The following VEZT variants were observed in gnomAD, a reference collection of about 807,000 sequenced individuals.
VEZT encodes the protein vezatin.
In VEZT, 39 loss-of-function variants were observed where a neutral mutation model predicts 79.9. That is an observed-to-expected ratio of 0.49 (90% CI 0.38 to 0.64). The LOEUF (loss-of-function observed/expected upper bound fraction) is 0.64. VEZT is among the 30% of genes least tolerant of loss of function. VEZT has a pLI of 0.00. For missense variants in VEZT, 837 were observed against 893.1 expected (o/e 0.94, Z 0.80); for synonymous variants, 325 against 327.6 (o/e 0.99, Z 0.09).
At chr12:95,247,403 A>G (rs529602477) in intron 1 of VEZT, among the ~76,000 whole-genome samples, 107 of 152,328 alleles carry the variant, frequency 7.0e-4, no homozygotes, top group Admixed American at 2.7e-3. Flanking sequence ...GTATCCGGCA[A>G]TTTTCTATTA....
rs56104790 is a variant in VEZT, at chr12:95,230,574, C to CT, written c.36+12704dup. 1.3e-3 allele frequency among the ~76,000 whole-genome samples: 174 copies of CT among 137,202 alleles called. 1 individual carries two copies. The highest frequency in any genetic ancestry group is 2.7e-3 in the South Asian group (12 of 4,380). The allele number at this position is 137,202 out of a possible 152,430, so 90.0% of individuals were successfully genotyped here. A position where few individuals can be genotyped will look rare whatever the true frequency, so the allele number is the denominator to read the frequency against. The stretch of plus-strand genomic sequence containing the variant: ...GAGCCATTGTGTCCAGTTATCTCTC[C>CT]TTTTTTTTTTTTTTTTATTTATTTT... On this transcript the variant is annotated intron_variant, in intron 1 of 11. Transcript: ENST00000436874.
chr12:95,282,759 G>A, intron 8 of VEZT, 115 bp downstream of exon 8: 1 of 741,960 alleles, frequency 1.3e-6, no homozygotes, highest in South Asian at 2.4e-5. Context: ...ACTGAGGCAT[G>A]AGCATGAAGG....
At chr12:95,229,745 G>A (rs192040036) in intron 1 of VEZT, among the ~76,000 whole-genome samples, 12 of 152,214 alleles carry the variant, frequency 7.9e-5, no homozygotes, top group Admixed American at 5.2e-4. Flanking sequence ...AAGGATTTAG[G>A]AGAAAAGGCC....
chr12:95,232,933 G>A lies in VEZT; in HGVS notation c.36+15047G>A, dbSNP rs537261151. 1.9e-3 allele frequency among the ~76,000 whole-genome samples: 290 copies of A among 152,186 alleles called. 2 individuals are homozygous for A. The highest frequency in any genetic ancestry group is 6.6e-3 in the African/African-American group (273 of 41,518). On this transcript the variant is annotated intron_variant, in intron 1 of 11. Transcript: ENST00000436874. ...CGGTCCTCCTGCCTCAGCCTCCTGA[G>A]TTGCTAAGAGCACAGGTGTGTACCA...
intron 2 of VEZT, among the ~76,000 whole-genome samples, chr12:95,256,054 T>A (rs1246322040): frequency 1.3e-5 from 2 of 152,050 alleles, no homozygotes; most frequent in African/African-American, 4.8e-5. Context: ...TGAAGTGATC[T>A]TCTCTTTTTT....
chr12:95,264,478 T>C (rs931787236), intron 4 of VEZT, among the ~76,000 whole-genome samples: 2 of 152,140 alleles, frequency 1.3e-5, no homozygotes, highest in African/African-American at 2.4e-5. Context: ...TCTCTGTTGC[T>C]CAGGCTGGAG....
chr12:95,282,318 G>T lies in VEZT; in HGVS notation c.1002G>T (p.Leu334Phe), dbSNP rs1444904504. The T allele has an allele frequency of 1.9e-6, 3 of 1,597,474 alleles. No individual in the cohort carries two copies. The highest frequency in any genetic ancestry group is 1.1e-5 in the South Asian group (1 of 87,642). The change falls in exon 8 of 12, where the codon TTG (leucine) becomes TTT (phenylalanine). Residue 334 changes from leucine (L) to phenylalanine (F), a missense_variant. Transcript: ENST00000436874. ...DGFSLPALKV[L>F]FQLWVAQSSE... The stretch of plus-strand genomic sequence containing the variant: ...TTTTTTCTTTTTTCTTTAAGGTTTT[G>T]TTCCAACTCTGGGTGGCACAGAGTT...
intron 9 of VEZT, among the ~76,000 whole-genome samples, chr12:95,292,312 T>A (rs2073048370): frequency 1.3e-5 from 2 of 152,222 alleles, no homozygotes; most frequent in South Asian, 4.1e-4. Context: ...CACTGTTTAA[T>A]GTACCTGTTT....
intron 7 of VEZT, among the ~76,000 whole-genome samples, chr12:95,281,207 A>C (rs563553676): frequency 1.3e-5 from 2 of 152,282 alleles, no homozygotes; most frequent in East Asian, 3.9e-4. Context: ...TTTTGCTGCC[A>C]GGATTCAGGA....
intron 8 of VEZT, among the ~76,000 whole-genome samples, chr12:95,283,429 A>G (rs2069695666): frequency 6.6e-6 from 1 of 152,172 alleles, no homozygotes; most frequent in African/African-American, 2.4e-5. Flanking sequence ...TGTGTTGGTA[A>G]TCAGGAAGGT....
In VEZT at chr12:95,300,492, C is replaced by T. The variant is rs375698951; in HGVS notation, c.2159C>T (p.Pro720Leu). The change falls in exon 12 of 12, where the codon CCC becomes CTC. Residue 720 changes from proline to leucine, a missense_variant. Coordinates refer to ENST00000436874, the MANE Select transcript of VEZT (RefSeq NM_017599.4). ...APPTPRDSLQ[P>L]SIKQRLARLQ... ...CCAACTCCCAGGGACTCATTACAGC[C>T]CTCCATTAAGCAGAGGCTGGCACGG... 9.3e-6 allele frequency: 15 copies of T among 1,613,786 alleles called. No individual in the cohort carries two copies. In the African/African-American group the frequency reaches 1.2e-4, roughly 13 times the overall value.
rs192459333 is a variant in VEZT, at chr12:95,221,356, G to A, written c.36+3470G>A. On this transcript the variant is annotated intron_variant, in intron 1 of 11. Coordinates refer to ENST00000436874, the MANE Select transcript of VEZT (RefSeq NM_017599.4). ...AGCCAGGCAGATCACTTGAGGCTAG[G>A]AGTTTGAGACCAGCCTGGCCAACAT... Among the ~76,000 whole-genome samples, 725 of 152,264 alleles carry A rather than the reference G, an allele frequency of 4.8e-3. 5 individuals carry two copies. Among genetic ancestry groups the A allele is most frequent in the African/African-American group, 0.017 (699 of 41,560 alleles).
chr12:95,300,577 A>ATC lies in VEZT; in HGVS notation c.2251_2252dup (p.Phe752ProfsTer18). 6.2e-7 allele frequency: 1 copy of ATC among 1,613,948 alleles called. No homozygotes were observed. The highest frequency in any genetic ancestry group is 8.5e-7 in the Non-Finnish European group (1 of 1,179,894). ...GCCTTGCTGCAGAAGTGGCTGCTAG[A>ATC]TCTCTCTCCTTTACCACCATGCAGG... On this transcript the variant is annotated frameshift_variant, in exon 12 of 12. Transcript: ENST00000436874. LOFTEE classifies it high-confidence loss of function.
chr12:95,289,985 G>C (rs2072294089), intron 9 of VEZT, among the ~76,000 whole-genome samples: 1 of 152,058 alleles, frequency 6.6e-6, no homozygotes, highest in South Asian at 2.1e-4. Flanking sequence ...AAATATTTCT[G>C]TATGCATTTT....
intron 9 of VEZT, among the ~76,000 whole-genome samples, chr12:95,292,097 G>A (rs1031598094): frequency 6.6e-6 from 1 of 152,144 alleles, no homozygotes; most frequent in Non-Finnish European, 1.5e-5. Context: ...ACCACATCCG[G>A]CCTCTTGCTA....
intron 8 of VEZT, among the ~76,000 whole-genome samples, chr12:95,285,161 C>T (rs913924839): frequency 1.8e-4 from 28 of 151,590 alleles, no homozygotes; most frequent in African/African-American, 6.3e-4. Context: ...AACAAGCTTC[C>T]GGCCAGGCGC....
chr12:95,250,851 C>T (rs1467287454), intron 1 of VEZT, among the ~76,000 whole-genome samples: 2 of 150,980 alleles, frequency 1.3e-5, no homozygotes, highest in Non-Finnish European at 2.9e-5. Flanking sequence ...CAAGGACTGT[C>T]CCAGATGCTT....
intron 1 of VEZT, among the ~76,000 whole-genome samples, chr12:95,238,601 C>G (rs1034490504): frequency 1.3e-5 from 2 of 152,182 alleles, no homozygotes; most frequent in African/African-American, 2.4e-5. Context: ...TTCCTGACCT[C>G]CAGACATTTT....
At chr12:95,246,960 A>G (rs966071684) in intron 1 of VEZT, among the ~76,000 whole-genome samples, 1 of 152,224 alleles carries the variant, frequency 6.6e-6, no homozygotes, top group Admixed American at 6.5e-5. Flanking sequence ...CTAATACTTT[A>G]TGAAAAATAA....
Sources: gnomAD v4.1 joint callset for allele counts (sites outside exome capture counted in the v4.1 genomes callset) on GRCh38, gnomAD v4.1.1 for gene constraint, MANE v1.5 for transcripts, NCBI Gene and HGNC (gene_info 2026-07-23, HGNC 2026-07-21) for gene names.